The following MYH15 variants were observed in gnomAD, a reference collection of about 807,000 sequenced individuals.
MYH15 encodes myosin heavy chain 15.
A neutral mutation model predicts 240.5 loss-of-function variants in MYH15; 227 were observed. The observed-to-expected ratio is 0.94, with a 90% CI of 0.85 to 1.05. The LOEUF is 1.05. Ranked by LOEUF, MYH15 falls within the 50% of genes least tolerant of loss-of-function variation. MYH15 has a pLI of 0.00. For missense variants in MYH15, 2,217 were observed against 2,247.5 expected (o/e 0.99, Z 0.27); for synonymous variants, 785 against 796.7 (o/e 0.99, Z 0.25).
chr3:108,448,029 G>T (rs1028836418), intron 21 of MYH15, among the ~76,000 whole-genome samples: 5 of 152,024 alleles, frequency 3.3e-5, no homozygotes, highest in Non-Finnish European at 7.4e-5. Context: ...ACTATTGCCA[G>T]CTTAAAATAA....
At chr3:108,456,694 C>G in intron 19 of MYH15, 72 bp downstream of exon 19, 2 of 1,138,230 alleles carry the variant, frequency 1.8e-6, no homozygotes, top group South Asian at 2.6e-5. Flanking sequence ...CAATGCATGC[C>G]TAAACACTCG....
intron 30 of MYH15, among the ~76,000 whole-genome samples, chr3:108,413,369 A>G (rs1480874832): frequency 6.6e-6 from 1 of 152,252 alleles, no homozygotes; most frequent in Non-Finnish European, 1.5e-5. Context: ...CTGTTCAGCA[A>G]TTGCACAGCA....
chr3:108,411,745 A>T (rs2082594828), intron 30 of MYH15, among the ~76,000 whole-genome samples: 1 of 152,208 alleles, frequency 6.6e-6, no homozygotes, highest in Non-Finnish European at 1.5e-5. Context: ...TACTGTATGT[A>T]CCAAAGCTTT....
intron 36 of MYH15, among the ~76,000 whole-genome samples, chr3:108,392,598 C>T (rs574564001): frequency 6.6e-6 from 1 of 152,252 alleles, no homozygotes; most frequent in South Asian, 2.1e-4. Context: ...TATCAGGTTA[C>T]CAACCATCTG....
intron 21 of MYH15, among the ~76,000 whole-genome samples, chr3:108,453,568 T>G (rs78034554): frequency 2.6e-5 from 4 of 152,116 alleles, no homozygotes; most frequent in African/African-American, 7.2e-5. Context: ...AAGAAAGTTA[T>G]GATTACATGT....
intron 16 of MYH15, among the ~76,000 whole-genome samples, chr3:108,462,885 G>C (rs569955785): frequency 2.0e-5 from 3 of 152,032 alleles, no homozygotes; most frequent in Non-Finnish European, 4.4e-5. Context: ...TGAAGTAGAA[G>C]ACAAAAGCAG....
rs780355569 is a variant in MYH15 at position 108,505,786 on chromosome 3, G to A, written c.132C>T (p.Ile44=). 36 of 1,608,188 alleles carry A rather than the reference G, an allele frequency of 2.2e-5. No homozygotes were observed. The Middle Eastern group carries it at 4.9e-4, about 22-fold the overall frequency. The change falls in exon 2 of 41, where the codon ATC becomes ATT. Residue 44 remains isoleucine (I), a synonymous_variant. Coordinates refer to ENST00000693548, the MANE Select transcript of MYH15 (RefSeq NM_014981.3). The stretch of plus-strand genomic sequence containing the variant: ...CTTCACTCCCTTTTACCTCAGCCTC[G>A]ATATAAGCATTCTCACCATCAGGAA... ...CWIPDGENAY[I]EAEVKGSEDD...
chr3:108,528,097 C>A (rs1025398591), intron 1 of MYH15, among the ~76,000 whole-genome samples: 1 of 152,090 alleles, frequency 6.6e-6, no homozygotes, highest in East Asian at 1.9e-4. Flanking sequence ...ATGACCTAAT[C>A]GCCTCTTAAT....
chr3:108,485,946 T>A lies in MYH15; in HGVS notation c.975+477A>T, dbSNP rs546232617. 1.4e-3 allele frequency among the ~76,000 whole-genome samples: 212 copies of A among 152,292 alleles called. 1 individual carries two copies. The highest frequency in any genetic ancestry group is 0.014 in the Middle Eastern group (4 of 294). On this transcript the variant is annotated intron_variant, in intron 10 of 40. Coordinates refer to ENST00000693548, the MANE Select transcript of MYH15 (RefSeq NM_014981.3). Reference sequence around the variant, plus strand: ...GTCTAACACTAAGAGAATAGCTCAATAAACAACAGGACAAATGCCTGATAA... The same window carrying A: ...GTCTAACACTAAGAGAATAGCTCAAAAAACAACAGGACAAATGCCTGATAA...
the MYH15 span, among the ~76,000 whole-genome samples, chr3:108,549,430 C>T: frequency 3.3e-5 from 5 of 151,760 alleles, no homozygotes; most frequent in Admixed American, 2.6e-4. Context: ...AGCTGCAGTA[C>T]GGACTTTCTT....
intron 1 of MYH15, among the ~76,000 whole-genome samples, chr3:108,526,169 T>C (rs2083668864): frequency 6.6e-6 from 1 of 152,140 alleles, no homozygotes; most frequent in Non-Finnish European, 1.5e-5. Context: ...TATACAGTGA[T>C]GCTTCGATAA....
At chr3:108,470,581 C>T (rs2107587028) in intron 13 of MYH15, 117 bp downstream of exon 13, 1 of 960,218 alleles carries the variant, frequency 1.0e-6, no homozygotes, top group South Asian at 1.9e-5. Flanking sequence ...ACAAGGTAGC[C>T]CTTAAGGTTT....
Position 108,510,439 on chromosome 3 carries a change from T to A in MYH15, c.88+4A>T, listed in dbSNP as rs760604209. 1 of 1,596,456 alleles carries A rather than the reference T, an allele frequency of 6.3e-7. No homozygotes were observed. Among genetic ancestry groups the A allele is most frequent in the Non-Finnish European group, 8.5e-7 (1 of 1,174,978 alleles). ...GTGAAGCCAGCAACCACCACATGTC[T>A]CACCATCCAAGGCTGTGGCCTGTAG... On this transcript the variant is annotated splice_donor_region_variant and intron_variant, in intron 1 of 40. Transcript: ENST00000693548.
intron 23 of MYH15, among the ~76,000 whole-genome samples, chr3:108,440,386 G>A (rs1027142164): frequency 6.6e-6 from 1 of 152,058 alleles, no homozygotes; most frequent in Admixed American, 6.5e-5. Context: ...ACTGTATCAG[G>A]CCCATGTGCT....
chr3:108,536,264 C>CA, the MYH15 span, among the ~76,000 whole-genome samples: 11 of 149,730 alleles, frequency 7.3e-5, no homozygotes, highest in Non-Finnish European at 1.2e-4. Context: ...GACTTTACCT[C>CA]AAAAAAACAA....
chr3:108,512,169 C>T (rs1330855197), upstream of MYH15, among the ~76,000 whole-genome samples: 5 of 152,084 alleles, frequency 3.3e-5, no homozygotes, highest in South Asian at 2.1e-4. Context: ...GATTTTTCTG[C>T]GGGTGAGCAT....
At chr3:108,395,839 A>G (rs2082456492) in intron 35 of MYH15, among the ~76,000 whole-genome samples, 1 of 152,100 alleles carries the variant, frequency 6.6e-6, no homozygotes, top group African/African-American at 2.4e-5. Flanking sequence ...TTTGCTTGAT[A>G]ATGTTCTAGT....
At chr3:108,410,173 A>G (rs2082577203) in intron 31 of MYH15, among the ~76,000 whole-genome samples, 1 of 152,226 alleles carries the variant, frequency 6.6e-6, no homozygotes, top group Non-Finnish European at 1.5e-5. Flanking sequence ...TAAATAGTTA[A>G]ACAGTGCCTG....
At chr3:108,512,837 G>C (rs1298872984), upstream of MYH15, among the ~76,000 whole-genome samples, 1 of 152,186 alleles carries the variant, frequency 6.6e-6, no homozygotes, top group African/African-American at 2.4e-5. Flanking sequence ...ATGTGTAGGA[G>C]CAGGCACTGG....
Sources: allele counts gnomAD v4.1 joint callset (sites outside exome capture counted in the v4.1 genomes callset), GRCh38; gene constraint gnomAD v4.1.1; transcripts MANE v1.5; gene names NCBI Gene and HGNC (gene_info 2026-07-23, HGNC 2026-07-21).